FGD4: variants seen among roughly 807,000 people sequenced by gnomAD.
FGD4 encodes FYVE, RhoGEF and PH domain-containing protein 4.
In FGD4, 42 loss-of-function variants were observed where a neutral mutation model predicts 102.0. The ratio of observed to expected loss-of-function variants is 0.41; its 90% CI spans 0.32 to 0.53. The LOEUF (loss-of-function observed/expected upper bound fraction) is 0.53, where lower values mean the gene tolerates loss of function less well. FGD4 is among the 20% of genes least tolerant of loss of function. The pLI is 0.21. For synonymous variants in FGD4, 380 were observed against 375.7 expected, an observed-to-expected ratio of 1.01 and a Z score of -0.13; for missense variants, 902 against 1,078.2, an observed-to-expected ratio of 0.84 and a Z score of 2.29.
chr12:32,438,128 G>A (rs1241938171), intron 1 of FGD4, among the ~76,000 whole-genome samples: 3 of 152,222 alleles, frequency 2.0e-5, no homozygotes, highest in Admixed American at 2.0e-4. Context: ...TTGACTTCAA[G>A]TGATCCATCT....
chr12:32,491,154 A>AC (rs1166625240), intron 1 of FGD4, among the ~76,000 whole-genome samples: 9 of 151,680 alleles, frequency 5.9e-5, no homozygotes, highest in Non-Finnish European at 1.2e-4. Flanking sequence ...AAAAAAACAA[A>AC]AAACTATAAA....
chr12:32,467,884 T>C (rs1943306824), intron 1 of FGD4, among the ~76,000 whole-genome samples: 1 of 151,948 alleles, frequency 6.6e-6, no homozygotes, highest in Admixed American at 6.6e-5. Flanking sequence ...AGAGTTGTGG[T>C]GGGTGCCTGT....
chr12:32,492,363 T>G (rs1329008644), intron 1 of FGD4, among the ~76,000 whole-genome samples: 1 of 152,204 alleles, frequency 6.6e-6, no homozygotes, highest in African/African-American at 2.4e-5. Context: ...TCTGTCAAAA[T>G]CATTTCATAA....
At chr12:32,507,558 A>T (rs1224561640) in intron 1 of FGD4, among the ~76,000 whole-genome samples, 1 of 152,194 alleles carries the variant, frequency 6.6e-6, no homozygotes, top group African/African-American at 2.4e-5. Flanking sequence ...GCCACATTGC[A>T]TGTTATCGTT....
chr12:32,502,212 G>A, intron 1 of FGD4: 2 of 985,542 alleles, frequency 2.0e-6, no homozygotes, highest in South Asian at 9.4e-5. Flanking sequence ...TGTGCTGGGT[G>A]AGATTATCTG....
intron 1 of FGD4, among the ~76,000 whole-genome samples, chr12:32,549,576 C>T (rs539630335): frequency 1.3e-5 from 2 of 151,976 alleles, no homozygotes; most frequent in Non-Finnish European, 1.5e-5. Flanking sequence ...TATAATTGGC[C>T]CTGAATTAGG....
At chr12:32,469,138 T>C (rs1360835578) in intron 1 of FGD4, among the ~76,000 whole-genome samples, 1 of 152,138 alleles carries the variant, frequency 6.6e-6, no homozygotes, top group East Asian at 1.9e-4. Context: ...TTCTGGTGGT[T>C]TCTATCGGAT....
intron 1 of FGD4, among the ~76,000 whole-genome samples, chr12:32,437,590 A>G (rs1942277600): frequency 6.6e-6 from 1 of 152,244 alleles, no homozygotes; most frequent in Admixed American, 6.5e-5. Flanking sequence ...CAGATTTCAC[A>G]TAAGCAGATG....
At chr12:32,565,250 T>C (rs1055832372) in intron 2 of FGD4, among the ~76,000 whole-genome samples, 1 of 152,194 alleles carries the variant, frequency 6.6e-6, no homozygotes, top group African/African-American at 2.4e-5. Context: ...TTAAAATGAA[T>C]CTTCTAGATT....
intron 1 of FGD4, chr12:32,502,209 G>GA: frequency 1.0e-6 from 1 of 985,490 alleles, no homozygotes; most frequent in Non-Finnish European, 1.2e-6. Flanking sequence ...GCCTGTGCTG[G>GA]GTGAGATTAT....
intron 1 of FGD4, among the ~76,000 whole-genome samples, chr12:32,444,464 G>A (rs1482317082): frequency 6.6e-6 from 1 of 152,120 alleles, no homozygotes; most frequent in Non-Finnish European, 1.5e-5. Context: ...GAGTGCAGTG[G>A]TGCAATCTCG....
intron 1 of FGD4, among the ~76,000 whole-genome samples, chr12:32,533,719 C>G (rs1040941641): frequency 6.6e-6 from 1 of 152,206 alleles, no homozygotes; most frequent in African/African-American, 2.4e-5. Flanking sequence ...GCCGCCGCGC[C>G]TGGCTTTAAT....
At chr12:32,606,388 T>C (rs759275906) in intron 7 of FGD4, among the ~76,000 whole-genome samples, 1 of 151,966 alleles carries the variant, frequency 6.6e-6, no homozygotes, top group East Asian at 1.9e-4. Flanking sequence ...CTACATTAGA[T>C]GAAAAAAATC....
At chr12:32,481,654 C>G (rs750383725) in intron 1 of FGD4, among the ~76,000 whole-genome samples, 4 of 152,016 alleles carry the variant, frequency 2.6e-5, no homozygotes, top group Non-Finnish European at 5.9e-5. Context: ...AACCCTGTCT[C>G]TACTAAAAAT....
At chr12:32,550,471 A>G (rs998859206) in intron 1 of FGD4, among the ~76,000 whole-genome samples, 9 of 151,962 alleles carry the variant, frequency 5.9e-5, no homozygotes, top group Non-Finnish European at 1.2e-4. Flanking sequence ...AGAGTTCGAG[A>G]CCAGCCTGGG....
intron 14 of FGD4, among the ~76,000 whole-genome samples, chr12:32,626,185 C>G (rs1592457793): frequency 6.6e-6 from 1 of 152,292 alleles, no homozygotes; most frequent in East Asian, 1.9e-4. Flanking sequence ...TGGCTTACGC[C>G]TATAATCCCA....
chr12:32,422,288 C>CTTTTTT lies in FGD4; in HGVS notation c.166+22352_166+22357dup, dbSNP rs770560590. Among the ~76,000 whole-genome samples the CTTTTTT allele has an allele frequency of 2.0e-3, 109 of 54,174 alleles. 22 individuals are homozygous for CTTTTTT. Among genetic ancestry groups the CTTTTTT allele is most frequent in the African/African-American group, 5.6e-3 (73 of 12,924 alleles). 35.5% of individuals were successfully genotyped at this position (54,174 alleles called of 152,430 possible). On this transcript the variant is annotated intron_variant, in intron 1 of 16. Transcript: ENST00000534526. ...TTGAAGCATCTCAAATTGGGAGCTG[C>CTTTTTT]TTTTTTTTTTTTTTTTTTTTTTTTT...
chr12:32,538,386 TAAG>T (rs1426217817), intron 1 of FGD4, among the ~76,000 whole-genome samples: 3 of 152,218 alleles, frequency 2.0e-5, no homozygotes, highest in Non-Finnish European at 1.5e-5. Context: ...AGCAGGAATA[TAAG>T]AAGTTTAATA....
chr12:32,521,372 CAAAAAAAAA>C (rs60786078), intron 1 of FGD4, among the ~76,000 whole-genome samples: 5 of 93,970 alleles, frequency 5.3e-5, no homozygotes, highest in African/African-American at 2.1e-4. Context: ...GACTCCGTCT[CAAAAAAAAA>C]AAAAAAAAAG....
Sources: gnomAD v4.1 joint callset for allele counts (sites outside exome capture counted in the v4.1 genomes callset) on GRCh38, gnomAD v4.1.1 for gene constraint, MANE v1.5 for transcripts, NCBI Gene and HGNC (gene_info 2026-07-23, HGNC 2026-07-21) for gene names.